NYNRIN: variants seen among roughly 807,000 people sequenced by gnomAD.
NYNRIN encodes the protein NYN domain and retroviral integrase containing, also known as protein NYNRIN.
In NYNRIN, 86 loss-of-function variants were observed where a neutral mutation model predicts 146.6. The ratio of observed to expected loss-of-function variants is 0.59; its 90% confidence interval spans 0.49 to 0.70. The LOEUF is 0.70. Among genes scored for constraint, NYNRIN ranks in the 30% least tolerant of loss-of-function variants. The pLI, the probability that NYNRIN is intolerant of heterozygous loss-of-function variation, is 0.00. For synonymous variants in NYNRIN, 1,027 were observed against 1,001.3 expected (o/e 1.03, Z -0.48); for missense variants, 2,191 against 2,377.7 (o/e 0.92, Z 1.63).
In NYNRIN at chr14:24,410,145, C is replaced by G; in HGVS notation, c.2351C>G (p.Ser784Ter). The G allele has an allele frequency of 6.2e-7, 1 of 1,613,070 alleles. No individual in the cohort carries two copies. Among genetic ancestry groups the G allele is most frequent in the Non-Finnish European group, 8.5e-7 (1 of 1,179,304 alleles). ...ALNTPFELNL[S>*]GEPGNQGLRR... ...AATACACCCTTCGAGCTGAACCTGT[C>G]AGGGGAACCTGGAAACCAGGGGTTG... The change falls in exon 4 of 9, where the codon TCA (serine) becomes TGA (stop). Residue 784 changes from serine (S) to a stop codon, truncating the protein, a stop_gained. Coordinates refer to ENST00000382554, the MANE Select transcript of NYNRIN (RefSeq NM_025081.3). LOFTEE classifies it high-confidence loss of function.
At chr14:24,412,909 T>C (rs2042921186) in intron 6 of NYNRIN, 88 bp from the exon 7 acceptor site, 1 of 849,154 alleles carries the variant, frequency 1.2e-6, no homozygotes, top group Admixed American at 2.2e-5. Context: ...CACACCTCAA[T>C]GTGAAGCTGC....
rs2042951009 is a variant in NYNRIN, at chr14:24,416,807, C to G, written c.5058C>G (p.Ala1686=). 1 of 1,611,938 alleles carries G rather than the reference C, an allele frequency of 6.2e-7. No homozygotes were observed. The highest frequency in any genetic ancestry group is 8.5e-7 in the Non-Finnish European group (1 of 1,178,854). The part of the protein sequence containing the change: ...RLEAAQGPQF[A]RHVLVSCGLA... ...AGGCAGCCCAGGGGCCCCAGTTTGC[C>G]CGGCACGTCCTTGTGAGCTGTGGGC... is the stretch of plus-strand genomic sequence containing the variant. Residue 1686 remains alanine (A), a synonymous_variant, in exon 9 of 9, where the codon GCC becomes GCG. Transcript: ENST00000382554.
In NYNRIN at chr14:24,414,932, T is replaced by C. The variant is rs778046634; in HGVS notation, c.3183T>C (p.Ala1061=). The C allele has an allele frequency of 2.1e-5, 33 of 1,600,112 alleles. No individual in the cohort carries two copies. The highest frequency in any genetic ancestry group is 2.6e-6 in the Non-Finnish European group (3 of 1,169,734). Reference sequence around the variant, plus strand: ...ACATCGACCTCCTGCCAGGGGCAGCTTCTCCCTACCTGGGCATCCCCTGGG... The same window carrying C: ...ACATCGACCTCCTGCCAGGGGCAGCCTCTCCCTACCTGGGCATCCCCTGGG... ...ALDIDLLPGA[A]SPYLGIPWDG... Residue 1061 remains alanine, a synonymous_variant, in exon 9 of 9, where the codon GCT becomes GCC. Coordinates refer to ENST00000382554, the MANE Select transcript of NYNRIN (RefSeq NM_025081.3).
At chr14:24,413,850 T>C (rs573292999) in intron 8 of NYNRIN, among the ~76,000 whole-genome samples, 1 of 152,368 alleles carries the variant, frequency 6.6e-6, no homozygotes, top group Non-Finnish European at 1.5e-5. Context: ...CTTGCTCTTA[T>C]TCTTTGTATC....
In NYNRIN at chr14:24,417,235, G is replaced by A. The variant is rs1312293720; in HGVS notation, c.5486G>A (p.Gly1829Asp). 6.2e-7 allele frequency: 1 copy of A among 1,613,950 alleles called. No individual in the cohort carries two copies. Among genetic ancestry groups the A allele is most frequent in the East Asian group, 2.2e-5 (1 of 44,892 alleles). Reference protein sequence around the residue: ...RESQEKEWNVGDQVLLLSLPR... With the variant: ...RESQEKEWNVDDQVLLLSLPR... Reference sequence around the variant, plus strand: ...AGCCAGGAGAAGGAGTGGAATGTGGGTGACCAGGTCCTTTTGCTGTCCCTC... The same window carrying A: ...AGCCAGGAGAAGGAGTGGAATGTGGATGACCAGGTCCTTTTGCTGTCCCTC... Residue 1829 changes from glycine to aspartate, a missense_variant, in exon 9 of 9, where the codon GGT (glycine) becomes GAT (aspartate). Physicochemically the swap from Gly to Asp is moderately conservative, Grantham distance 94 (BLOSUM62 -1). Around this residue, in one of 3 missense-constraint regions of NYNRIN, gnomAD observed 1,291 missense variants for 1,417.0 expected, o/e 0.91. Coordinates refer to ENST00000382554, the MANE Select transcript of NYNRIN (RefSeq NM_025081.3).
intron 4 of NYNRIN, 24 bp downstream of exon 4, chr14:24,410,232 G>A (rs765538415): frequency 6.5e-7 from 1 of 1,546,804 alleles, no homozygotes; most frequent in Non-Finnish European, 8.8e-7. Flanking sequence ...GGCGTGGGGT[G>A]GGCTGGGGAT....
rs2042911089 is a variant in NYNRIN at position 24,411,248 on chromosome 14, A to C, written c.2545+42A>C. On this transcript the variant is annotated intron_variant, in intron 5 of 8. Coordinates refer to ENST00000382554, the MANE Select transcript of NYNRIN (RefSeq NM_025081.3). This position sits in a 1 kb window ranked among gnomAD's most constrained non-coding sequence, Gnocchi z 4.3. ...CTGCCCAGCCTCCACAGTGTCACCA[A>C]GCTTTCTTCTCTCTGCCTTGCTGCC... 6.2e-7 allele frequency: 1 copy of C among 1,610,886 alleles called. No individual in the cohort carries two copies. The highest frequency in any genetic ancestry group is 1.3e-5 in the African/African-American group (1 of 74,610).
chr14:24,415,612 C>T lies in NYNRIN; in HGVS notation c.3863C>T (p.Ala1288Val), dbSNP rs751334932. The change falls in exon 9 of 9, where the codon GCG becomes GTG. Residue 1288 changes from alanine to valine, a missense_variant. By Grantham distance (64) the Ala-to-Val change is moderately conservative. Coordinates refer to ENST00000382554, the MANE Select transcript of NYNRIN (RefSeq NM_025081.3). ...LLGENRLLTP[A>V]ASMPRFFQVL... ...GGGGAGAACCGCCTGCTCACCCCCG[C>T]GGCCTCCATGCCTCGCTTCTTCCAG... 2.2e-5 allele frequency: 36 copies of T among 1,613,872 alleles called. No homozygotes were observed. The highest frequency in any genetic ancestry group is 2.4e-5 in the Non-Finnish European group (28 of 1,179,900).
At chr14:24,402,550 C>T (rs867352964) in intron 2 of NYNRIN, among the ~76,000 whole-genome samples, 1 of 152,182 alleles carries the variant, frequency 6.6e-6, no homozygotes, top group South Asian at 2.1e-4. Context: ...TTGCTGCACA[C>T]TAACTGTGAG....
chr14:24,406,380 G>A (rs2042875967), intron 2 of NYNRIN, among the ~76,000 whole-genome samples: 1 of 152,048 alleles, frequency 6.6e-6, no homozygotes, highest in South Asian at 2.1e-4. Context: ...AAATGGGGGT[G>A]CCTGGGGTGG....
chr14:24,408,318 C>A lies in NYNRIN; in HGVS notation c.648C>A (p.Ser216=), dbSNP rs1039424741. 1.1e-5 allele frequency: 18 copies of A among 1,613,452 alleles called. 1 individual carries two copies. The African/African-American group carries it at 2.4e-4, about 22-fold the overall frequency. The part of the protein sequence containing the change: ...LSRFGISDSH[S]DPEVLICPPQ... Reference sequence around the variant, plus strand: ...GCTTCGGCATCTCTGACTCCCACTCCGATCCGGAGGTTCTAATCTGCCCTC... The same window carrying A: ...GCTTCGGCATCTCTGACTCCCACTCAGATCCGGAGGTTCTAATCTGCCCTC... The change falls in exon 3 of 9, where the codon TCC becomes TCA. Residue 216 remains serine, a synonymous_variant. Transcript: ENST00000382554.
Position 24,418,550 on chromosome 14 carries a change from A to AC in NYNRIN, c.*1107dup, listed in dbSNP as rs2042964018. The AC allele has an allele frequency of 7.3e-6, 2 of 273,132 alleles. No homozygotes were observed. The highest frequency in any genetic ancestry group is 3.1e-5 in the South Asian group (1 of 31,758). The allele number at this position is 273,132 out of a possible 1,614,324, so 16.9% of individuals were successfully genotyped here. A position where few individuals can be genotyped will look rare whatever the true frequency, so the allele number is the denominator to read the frequency against. On this transcript the variant is annotated 3_prime_UTR_variant, in exon 9 of 9. Transcript: ENST00000382554. ...CTCACAGCCATTCTTTGCAGAGATC[A>AC]CCCTTGCAGTGAGTGTGAGTTCCTT...
Position 24,409,930 on chromosome 14 carries a change from C to G in NYNRIN, c.2136C>G (p.Ser712=). 6.2e-7 allele frequency: 1 copy of G among 1,613,726 alleles called. No individual in the cohort carries two copies. The highest frequency in any genetic ancestry group is 1.1e-5 in the South Asian group (1 of 90,994). ...EVQPTSRASV[S]LLKGQGQAGR... ...AGCCTACATCAAGGGCTAGTGTCTCCTTACTGAAGGGCCAGGGGCAGGCTG... is the reference window on the plus strand; with the variant it reads ...AGCCTACATCAAGGGCTAGTGTCTCGTTACTGAAGGGCCAGGGGCAGGCTG... The change falls in exon 4 of 9, where the codon TCC becomes TCG. Residue 712 remains serine (S), a synonymous_variant. Transcript: ENST00000382554.
chr14:24,416,371 G>C lies in NYNRIN; in HGVS notation c.4622G>C (p.Arg1541Pro). Reference sequence around the variant, plus strand: ...GTCTGGGTAGTCCCGACGCAACTCCGGAGGGATCTGATTTTCTCTGTGCAT... The same window carrying C: ...GTCTGGGTAGTCCCGACGCAACTCCCGAGGGATCTGATTTTCTCTGTGCAT... ...PRVWVVPTQL[R>P]RDLIFSVHDI... Residue 1541 changes from arginine to proline, a missense_variant, in exon 9 of 9, where the codon CGG becomes CCG. Coordinates refer to ENST00000382554, the MANE Select transcript of NYNRIN (RefSeq NM_025081.3). 2 of 1,613,078 alleles carry C rather than the reference G, an allele frequency of 1.2e-6. No individual in the cohort carries two copies. The highest frequency in any genetic ancestry group is 1.7e-6 in the Non-Finnish European group (2 of 1,179,458).
chr14:24,418,102 C>T lies in NYNRIN; in HGVS notation c.*656C>T, dbSNP rs1006287130. The stretch of plus-strand genomic sequence containing the variant: ...CTTGGAGTGGGAGGATGGCCAGCCA[C>T]AAGCCACCAGCTTGTCAGCATGGGA... On this transcript the variant is annotated 3_prime_UTR_variant, in exon 9 of 9. Transcript: ENST00000382554. The T allele has an allele frequency of 3.5e-5, 13 of 367,898 alleles. No homozygotes were observed. The highest frequency in any genetic ancestry group is 6.4e-5 in the African/African-American group (3 of 46,604). 22.8% of individuals were successfully genotyped at this position (367,898 alleles called of 1,614,324 possible).
In NYNRIN at chr14:24,417,701, A is replaced by G. The variant is rs1404954722; in HGVS notation, c.*255A>G. 2.4e-5 allele frequency: 11 copies of G among 467,148 alleles called. No homozygotes were observed. In the East Asian group the frequency reaches 3.4e-4, roughly 14 times the overall value. 28.9% of individuals were successfully genotyped at this position (467,148 alleles called of 1,614,324 possible). A position where few individuals can be genotyped will look rare whatever the true frequency, so the allele number is the denominator to read the frequency against. ...GTCCCTGGCAGTTTTACACTGGGAA[A>G]TGGAGTGCTCCTCTAGGCTATACCA... is the stretch of plus-strand genomic sequence containing the variant. On this transcript the variant is annotated 3_prime_UTR_variant, in exon 9 of 9. Transcript: ENST00000382554.
intron 2 of NYNRIN, among the ~76,000 whole-genome samples, chr14:24,401,255 G>T (rs1350268461): frequency 6.6e-6 from 1 of 152,208 alleles, no homozygotes; most frequent in Non-Finnish European, 1.5e-5. Flanking sequence ...GGAATCAGTG[G>T]CTCCCTTGAT....
intron 2 of NYNRIN, among the ~76,000 whole-genome samples, chr14:24,403,390 C>A (rs1287437157): frequency 6.6e-6 from 1 of 152,228 alleles, no homozygotes; most frequent in East Asian, 1.9e-4. Flanking sequence ...CCTGTCTGGT[C>A]AGTTGCTTTC....
rs768548181 is a variant in NYNRIN at position 24,414,959 on chromosome 14, T to G, written c.3210T>G (p.Asp1070Glu). 1 of 1,595,352 alleles carries G rather than the reference T, an allele frequency of 6.3e-7. No individual in the cohort carries two copies. Among genetic ancestry groups the G allele is most frequent in the Non-Finnish European group, 8.6e-7 (1 of 1,166,570 alleles). ...AASPYLGIPW[D>E]GKAPCQQVLA... ...CTCCCTACCTGGGCATCCCCTGGGA[T>G]GGAAAGGCTCCCTGCCAGCAGGTTC... is the stretch of plus-strand genomic sequence containing the variant. Residue 1070 changes from aspartate (D) to glutamate (E), a missense_variant, in exon 9 of 9, where the codon GAT becomes GAG. Around this residue, in one of 3 missense-constraint regions of NYNRIN, gnomAD observed 1,291 missense variants for 1,417.0 expected, o/e 0.91. Coordinates refer to ENST00000382554, the MANE Select transcript of NYNRIN (RefSeq NM_025081.3).
Sources: allele counts gnomAD v4.1 joint callset (sites outside exome capture counted in the v4.1 genomes callset), GRCh38; gene constraint gnomAD v4.1.1; regional missense constraint gnomAD v4.1.1; non-coding constraint Gnocchi (gnomAD v3.1); transcripts MANE v1.5; gene names NCBI Gene and HGNC (gene_info 2026-07-23, HGNC 2026-07-21).